Variants in SGMS1 observed in about 807,000 individuals in gnomAD.
SGMS1 encodes the protein phosphatidylcholine:ceramide cholinephosphotransferase 1.
A neutral mutation model predicts 46.2 loss-of-function variants in SGMS1; 13 were observed. The ratio of observed to expected loss-of-function variants is 0.28; its 90% CI spans 0.18 to 0.45. The LOEUF is 0.45. SGMS1 is among the 20% of genes least tolerant of loss of function. The pLI is 1.00. For missense variants in SGMS1, 324 were observed against 519.9 expected, an observed-to-expected ratio of 0.62 and a Z score of 3.66; for synonymous variants, 203 against 187.8, an observed-to-expected ratio of 1.08 and a Z score of -0.66.
intron 6 of SGMS1, among the ~76,000 whole-genome samples, chr10:50,428,362 C>T (rs1261961588): frequency 6.6e-6 from 1 of 152,090 alleles, no homozygotes; most frequent in African/African-American, 2.4e-5. Flanking sequence ...ATTTCACTGC[C>T]AAAATAAATC....
chr10:50,455,321 T>C (rs1273737476), intron 5 of SGMS1, among the ~76,000 whole-genome samples: 1 of 152,210 alleles, frequency 6.6e-6, no homozygotes, highest in Non-Finnish European at 1.5e-5. Context: ...TGGTCATAAT[T>C]TACCCCTTTC....
intron 3 of SGMS1, among the ~76,000 whole-genome samples, chr10:50,469,199 T>C (rs1360267225): frequency 6.6e-6 from 1 of 152,220 alleles, no homozygotes; most frequent in Non-Finnish European, 1.5e-5. Context: ...TTGAATTTGT[T>C]TTTCAATCAA....
At chr10:50,481,454 C>G (rs1380453696) in intron 3 of SGMS1, among the ~76,000 whole-genome samples, 1 of 152,144 alleles carries the variant, frequency 6.6e-6, no homozygotes, top group Non-Finnish European at 1.5e-5. Flanking sequence ...AGAAGAAGGG[C>G]CTGACTGTTA....
intron 3 of SGMS1, among the ~76,000 whole-genome samples, chr10:50,499,423 G>A (rs1420695379): frequency 2.0e-5 from 3 of 152,022 alleles, no homozygotes; most frequent in African/African-American, 7.3e-5. Context: ...CATTATTGCT[G>A]GTATACCACT....
chr10:50,504,150 T>G (rs2339507), intron 3 of SGMS1, among the ~76,000 whole-genome samples: 51,574 of 152,082 alleles, frequency 0.34, 8,912 homozygotes, highest in Admixed American at 0.41. Flanking sequence ...CTGGAATTCA[T>G]CATGCAGGGT....
At chr10:50,555,049 CCCAAATGGGGTCACGCCAGCAGGTGTCA>C (rs1838179118) in intron 2 of SGMS1, among the ~76,000 whole-genome samples, 1 of 152,172 alleles carries the variant, frequency 6.6e-6, no homozygotes, top group Non-Finnish European at 1.5e-5. Context: ...CCAGAGCCTC[CCCAAATGGGGTCACGCCAGCAGGTGTCA>C]CCAGCATCAT....
chr10:50,468,552 C>T (rs997603672), intron 3 of SGMS1, among the ~76,000 whole-genome samples: 1 of 152,190 alleles, frequency 6.6e-6, no homozygotes, highest in Non-Finnish European at 1.5e-5. Flanking sequence ...GGTTTTATGG[C>T]ACTGTGTGCT....
At chr10:50,407,624 G>A (rs1003508747) in intron 6 of SGMS1, among the ~76,000 whole-genome samples, 1 of 151,536 alleles carries the variant, frequency 6.6e-6, no homozygotes, top group Non-Finnish European at 1.5e-5. Flanking sequence ...CATTCCCCCC[G>A]CCGTAAATAA....
In SGMS1 at chr10:50,435,799, C is replaced by G. The variant is rs187169134; in HGVS notation, c.-312-2243G>C. 7.2e-5 allele frequency among the ~76,000 whole-genome samples: 11 copies of G among 152,232 alleles called. No individual in the cohort carries two copies. In the East Asian group the frequency reaches 1.7e-3, roughly 24 times the overall value. ...AAAAATACAAGATTCACCAGGTGAA[C>G]GCATACTAACTTTAAAACAGAAGTG... On this transcript the variant is annotated intron_variant, in intron 5 of 10. Transcript: ENST00000361781.
In SGMS1 at chr10:50,322,045, G is replaced by C. The variant is rs180813915; in HGVS notation, c.741+5160C>G. ...TTTGTATTATATTGATCCACTGAGCGATCAACCTCAGATGCCACCCAGACA... is the reference window on the plus strand; with the variant it reads ...TTTGTATTATATTGATCCACTGAGCCATCAACCTCAGATGCCACCCAGACA... On this transcript the variant is annotated intron_variant, in intron 8 of 10. Coordinates refer to ENST00000361781, the MANE Select transcript of SGMS1 (RefSeq NM_147156.4). Among the ~76,000 whole-genome samples, 333 of 152,292 alleles carry C rather than the reference G, an allele frequency of 2.2e-3. 1 individual carries two copies. The highest frequency in any genetic ancestry group is 7.7e-3 in the African/African-American group (322 of 41,556).
chr10:50,574,679 G>T (rs1429860122), intron 2 of SGMS1, among the ~76,000 whole-genome samples: 1 of 152,076 alleles, frequency 6.6e-6, no homozygotes, highest in East Asian at 1.9e-4. Flanking sequence ...GGAGATACCT[G>T]CATGCTCATG....
chr10:50,367,012 C>T (rs1848358791), intron 6 of SGMS1, among the ~76,000 whole-genome samples: 2 of 152,064 alleles, frequency 1.3e-5, no homozygotes, highest in South Asian at 4.1e-4. Context: ...GATATCTATG[C>T]AGCCAATAAA....
At chr10:50,616,768 A>C (rs1838801694) in intron 1 of SGMS1, among the ~76,000 whole-genome samples, 1 of 152,228 alleles carries the variant, frequency 6.6e-6, no homozygotes, top group African/African-American at 2.4e-5. Context: ...CTTTATAAAA[A>C]ATGTTATCAT....
intron 1 of SGMS1, among the ~76,000 whole-genome samples, chr10:50,610,514 G>A (rs1205549947): frequency 1.3e-5 from 2 of 152,134 alleles, no homozygotes; most frequent in Non-Finnish European, 2.9e-5. Context: ...AAACTCCTGA[G>A]AGCGTTCTCA....
chr10:50,311,126 T>C (rs1006266714), intron 9 of SGMS1, 136 bp downstream of exon 9: 13 of 980,318 alleles, frequency 1.3e-5, no homozygotes, highest in Non-Finnish European at 1.5e-6. Context: ...TGCATGGCGA[T>C]GAGATGAAGC....
At chr10:50,332,734 T>A (rs1009239789) in intron 7 of SGMS1, among the ~76,000 whole-genome samples, 1 of 146,416 alleles carries the variant, frequency 6.8e-6, no homozygotes, top group Non-Finnish European at 1.5e-5. Context: ...GCAATCCTCC[T>A]GCCTCAGCCT....
chr10:50,316,662 A>AC (rs1442010911), intron 8 of SGMS1, among the ~76,000 whole-genome samples: 1 of 152,214 alleles, frequency 6.6e-6, no homozygotes, highest in Non-Finnish European at 1.5e-5. Flanking sequence ...CCCAAAGAGC[A>AC]GTCTTCCTCC....
intron 6 of SGMS1, among the ~76,000 whole-genome samples, chr10:50,358,614 G>A (rs1294067111): frequency 6.6e-6 from 1 of 152,186 alleles, no homozygotes; most frequent in East Asian, 1.9e-4. Context: ...GCTAGAACCT[G>A]GGAGGCAGAG....
intron 6 of SGMS1, among the ~76,000 whole-genome samples, chr10:50,347,377 G>C (rs978534183): frequency 6.6e-6 from 1 of 152,098 alleles, no homozygotes; most frequent in Non-Finnish European, 1.5e-5. Flanking sequence ...GAATAAGATG[G>C]GCATTCTCTA....
Sources: allele counts gnomAD v4.1 joint callset (sites outside exome capture counted in the v4.1 genomes callset), GRCh38; gene constraint gnomAD v4.1.1; transcripts MANE v1.5; gene names NCBI Gene and HGNC (gene_info 2026-07-23, HGNC 2026-07-21).